Variants in IQGAP1 observed in about 807,000 individuals in gnomAD.
IQGAP1 encodes the protein IQ motif containing GTPase activating protein 1.
In IQGAP1, 66 loss-of-function variants were observed where a neutral mutation model predicts 215.6. The observed-to-expected ratio is 0.31, with a 90% confidence interval of 0.25 to 0.38. IQGAP1 has a LOEUF of 0.38. Among genes scored for constraint, IQGAP1 ranks in the 10% least tolerant of loss-of-function variants. The pLI, the probability that IQGAP1 is intolerant of heterozygous loss-of-function variation, is 1.00. For missense variants in IQGAP1, 1,712 were observed against 1,997.1 expected, an observed-to-expected ratio of 0.86 and a Z score of 2.72; for synonymous variants, 772 against 728.7, an observed-to-expected ratio of 1.06 and a Z score of -0.96.
At chr15:90,451,432 A>G (rs1057074210) in intron 11 of IQGAP1, among the ~76,000 whole-genome samples, 1 of 152,178 alleles carries the variant, frequency 6.6e-6, no homozygotes, top group African/African-American at 2.4e-5. Flanking sequence ...GGTAGTGAGT[A>G]GGGGTCCTGG....
chr15:90,491,293 T>C, intron 33 of IQGAP1, 40 bp from the exon 34 acceptor site: 1 of 1,516,364 alleles, frequency 6.6e-7, no homozygotes, highest in Non-Finnish European at 9.2e-7. Context: ...TTAGGATTAG[T>C]GTGGTAAACT....
chr15:90,402,977 A>C (rs1567114454), intron 2 of IQGAP1, among the ~76,000 whole-genome samples: 1 of 152,160 alleles, frequency 6.6e-6, no homozygotes. Context: ...ATTATAACAA[A>C]ATGTTTTTTT....
intron 8 of IQGAP1, among the ~76,000 whole-genome samples, chr15:90,442,009 G>A (rs1417490457): frequency 1.3e-5 from 2 of 152,102 alleles, no homozygotes; most frequent in Non-Finnish European, 2.9e-5. Flanking sequence ...ATCTTTTGGT[G>A]TGAGGCTCCA....
At position 90,473,811 on chromosome 15, in the gene IQGAP1, G is replaced by A; in HGVS notation, c.2433+13G>A. The A allele has an allele frequency of 6.2e-7, 1 of 1,612,290 alleles. No homozygotes were observed. The highest frequency in any genetic ancestry group is 8.5e-7 in the Non-Finnish European group (1 of 1,179,012). ...TGAAGTTGTAAAGGTATGGTAGCCT[G>A]AACAGGGTTTCTCCATGAGGGGCAC... On this transcript the variant is annotated intron_variant, in intron 20 of 37. Transcript: ENST00000268182.
At chr15:90,440,754 C>T (rs1451649911) in intron 7 of IQGAP1, 139 bp downstream of exon 7, 6 of 602,470 alleles carry the variant, frequency 1.0e-5, no homozygotes, top group Non-Finnish European at 1.8e-5. Flanking sequence ...AACACATAGT[C>T]TTCCATGCTG....
chr15:90,428,521 G>C (rs537070270), intron 3 of IQGAP1, among the ~76,000 whole-genome samples: 4 of 152,062 alleles, frequency 2.6e-5, no homozygotes, highest in Non-Finnish European at 5.9e-5. Flanking sequence ...GCTCATGCCT[G>C]TAATCCCAGC....
Position 90,473,896 on chromosome 15 carries a change from A to G in IQGAP1, c.2434A>G (p.Ile812Val). The change falls in exon 21 of 38, where the codon ATT (isoleucine) becomes GTT (valine). Residue 812 changes from isoleucine (I) to valine (V), a missense_variant and splice_region_variant. Ile to Val is a conservative substitution (Grantham distance 29). Around this residue, in one of 2 missense-constraint regions of IQGAP1, gnomAD observed 1,021 missense variants for 1,074.2 expected, o/e 0.95. Transcript: ENST00000268182. The part of the protein sequence containing the change: ...LRSHKDEVVK[I>V]QSLARMHQAR... ...AATTTCCAGGATCCCTTTTCCACAG[A>G]TTCAGTCCCTGGCAAGGATGCACCA... 18 of 1,613,900 alleles carry G rather than the reference A, an allele frequency of 1.1e-5. No individual in the cohort carries two copies. Among genetic ancestry groups the G allele is most frequent in the Non-Finnish European group, 1.5e-5 (18 of 1,179,970 alleles).
rs1238778802 is a variant in IQGAP1 at position 90,474,045 on chromosome 15, C to CTTT, written c.2506-17_2506-16insTTT. On this transcript the variant is annotated intron_variant, in intron 21 of 37. Coordinates refer to ENST00000268182, the MANE Select transcript of IQGAP1 (RefSeq NM_003870.4). Reference sequence around the variant, plus strand: ...GGTAGACAGATGAACAGAGAAATTTCTTCTTTTTTGTTCCTTAGATAAATG... The same window carrying CTTT: ...GGTAGACAGATGAACAGAGAAATTTCTTTTTCTTTTTTGTTCCTTAGATAAATG... 6.2e-7 allele frequency: 1 copy of CTTT among 1,612,026 alleles called. No homozygotes were observed. Among genetic ancestry groups the CTTT allele is most frequent in the Non-Finnish European group, 8.5e-7 (1 of 1,178,934 alleles).
chr15:90,393,563 G>C (rs1964668467), intron 2 of IQGAP1: 1 of 152,170 alleles, frequency 6.6e-6, no homozygotes, highest in African/African-American at 2.4e-5. Context: ...TGATTCCGAT[G>C]CTCCTTCCTT....
In IQGAP1 at chr15:90,501,474, G is replaced by A. The variant is rs780240453; in HGVS notation, c.*1366G>A. 3.3e-5 allele frequency: 5 copies of A among 151,578 alleles called. No individual in the cohort carries two copies. Among genetic ancestry groups the A allele is most frequent in the African/African-American group, 4.9e-5 (2 of 41,236 alleles). The allele number at this position is 151,578 out of a possible 1,614,324, so 9.4% of individuals were successfully genotyped here. A position where few individuals can be genotyped will look rare whatever the true frequency, so the allele number is the denominator to read the frequency against. Reference sequence around the variant, plus strand: ...TTTCTTTCTTTGATGTTTTGATTCAGTATTCTTTTATCATAAATTTTTAGC... The same window carrying A: ...TTTCTTTCTTTGATGTTTTGATTCAATATTCTTTTATCATAAATTTTTAGC... On this transcript the variant is annotated 3_prime_UTR_variant, in exon 38 of 38. Coordinates refer to ENST00000268182, the MANE Select transcript of IQGAP1 (RefSeq NM_003870.4).
intron 2 of IQGAP1, among the ~76,000 whole-genome samples, chr15:90,395,720 C>T (rs1964709570): frequency 6.6e-6 from 1 of 152,128 alleles, no homozygotes. Context: ...AGGTCTTGGA[C>T]AGGAGGAAGT....
intron 2 of IQGAP1, among the ~76,000 whole-genome samples, chr15:90,422,396 G>T (rs1022698870): frequency 6.6e-6 from 1 of 151,784 alleles, no homozygotes; most frequent in Non-Finnish European, 1.5e-5. Context: ...CTTTACTAAG[G>T]AATTAATTCT....
intron 33 of IQGAP1, among the ~76,000 whole-genome samples, chr15:90,489,567 G>C (rs1966174954): frequency 6.6e-6 from 1 of 152,116 alleles, no homozygotes; most frequent in African/African-American, 2.4e-5. Context: ...TGCTACTCTG[G>C]AGCTACTCTG....
intron 14 of IQGAP1, among the ~76,000 whole-genome samples, chr15:90,455,753 AGT>A (rs536405773): frequency 2.0e-3 from 302 of 152,326 alleles, no homozygotes; most frequent in Non-Finnish European, 3.0e-3. Context: ...CTTCTATAAA[AGT>A]GTTGAATTAG....
intron 2 of IQGAP1, among the ~76,000 whole-genome samples, chr15:90,404,958 G>A (rs1047637430): frequency 1.3e-5 from 2 of 152,098 alleles, no homozygotes; most frequent in Middle Eastern, 3.4e-3. Flanking sequence ...TTTACTTTTA[G>A]TTTTTGAATT....
intron 1 of IQGAP1, among the ~76,000 whole-genome samples, chr15:90,388,695 G>A (rs1964589365): frequency 6.6e-6 from 1 of 152,294 alleles, no homozygotes; most frequent in African/African-American, 2.4e-5. Flanking sequence ...TGGGGAAGAC[G>A]GCCTAGAGTG....
At chr15:90,484,701 G>T (rs1206087180) in intron 30 of IQGAP1, among the ~76,000 whole-genome samples, 1 of 152,024 alleles carries the variant, frequency 6.6e-6, no homozygotes, top group Non-Finnish European at 1.5e-5. Flanking sequence ...GGTAGAGACG[G>T]GGTTTCACTG....
In IQGAP1 at chr15:90,400,014, A is replaced by AT. The variant is rs201337244; in HGVS notation, c.155+9150dup. Among the ~76,000 whole-genome samples the AT allele has an allele frequency of 7.0e-4, 106 of 151,268 alleles. 1 individual carries two copies. The East Asian group carries it at 0.016, about 23-fold the overall frequency. On this transcript the variant is annotated intron_variant, in intron 2 of 37. Coordinates refer to ENST00000268182, the MANE Select transcript of IQGAP1 (RefSeq NM_003870.4). Reference sequence around the variant, plus strand: ...TTTTAACTCTATGACAAGTAACTTGATTTTTTTTTCCTTTTTTCGTGACTT... The same window carrying AT: ...TTTTAACTCTATGACAAGTAACTTGATTTTTTTTTTCCTTTTTTCGTGACTT...
intron 11 of IQGAP1, among the ~76,000 whole-genome samples, chr15:90,452,092 T>G (rs1014306872): frequency 1.3e-5 from 2 of 152,178 alleles, no homozygotes; most frequent in African/African-American, 4.8e-5. Flanking sequence ...CCTCCCAAAG[T>G]GCTGGGATTA....
Sources: allele counts gnomAD v4.1 joint callset (sites outside exome capture counted in the v4.1 genomes callset), GRCh38; gene constraint gnomAD v4.1.1; regional missense constraint gnomAD v4.1.1; transcripts MANE v1.5; gene names NCBI Gene and HGNC (gene_info 2026-07-23, HGNC 2026-07-21).